Variants in RAF1 observed in about 807,000 individuals in gnomAD.
The protein encoded by RAF1 is RAF proto-oncogene serine/threonine-protein kinase.
RAF1 carries 27 observed loss-of-function variants against 81.1 expected under a neutral mutation model. That is an observed-to-expected ratio of 0.33 (90% CI 0.25 to 0.46). The LOEUF is 0.46. Ranked by LOEUF, RAF1 falls within the 20% of genes least tolerant of loss-of-function variation. The probability of loss-of-function intolerance (pLI) is 1.00; values close to 1 mark genes in which losing one functional copy is unlikely to be tolerated. For missense variants in RAF1, 598 were observed against 826.0 expected (o/e 0.72, Z 3.38); for synonymous variants, 298 against 294.0 (o/e 1.01, Z -0.14).
Position 12,618,744 on chromosome 3 carries a change from A to G in RAF1, c.-23T>C. 5 of 1,610,244 alleles carry G rather than the reference A, an allele frequency of 3.1e-6. No individual in the cohort carries two copies. The highest frequency in any genetic ancestry group is 4.2e-6 in the Non-Finnish European group (5 of 1,176,838). On this transcript the variant is annotated 5_prime_UTR_variant, in exon 2 of 18. Transcript: ENST00000442415. Reference sequence around the variant, plus strand: ...CATTGATGCAGCTTAAACAATTCTTAAACCTGGTAAGAAACACAAATAATT... The same window carrying G: ...CATTGATGCAGCTTAAACAATTCTTGAACCTGGTAAGAAACACAAATAATT...
In RAF1 at chr3:12,584,947, G is replaced by A; in HGVS notation, c.1763C>T (p.Pro588Leu). The change falls in exon 17 of 18, where the codon CCA becomes CTA. Residue 588 changes from proline to leucine, a missense_variant. Around this residue, in one of 5 missense-constraint regions of RAF1, gnomAD observed 147 missense variants for 196.1 expected, o/e 0.75. Transcript: ENST00000442415. ...GTTCTTATATAGCTTACTAAGATCT[G>A]GGGAGGCATATCCTCGGCCCACCAT... 6.2e-7 allele frequency: 1 copy of A among 1,614,120 alleles called. No homozygotes were observed. Among genetic ancestry groups the A allele is most frequent in the Non-Finnish European group, 8.5e-7 (1 of 1,180,034 alleles).
At chr3:12,631,958 C>G (rs770933721) in intron 1 of RAF1, among the ~76,000 whole-genome samples, 6 of 152,196 alleles carry the variant, frequency 3.9e-5, no homozygotes, top group Non-Finnish European at 7.3e-5. Flanking sequence ...TGTACTTTTA[C>G]ACAATTACAC....
At chr3:12,631,739 A>T (rs2059867825) in intron 1 of RAF1, among the ~76,000 whole-genome samples, 1 of 152,214 alleles carries the variant, frequency 6.6e-6, no homozygotes, top group Non-Finnish European at 1.5e-5. Context: ...AGAGGGTGGA[A>T]ATTCAGCTCA....
At position 12,583,915 on chromosome 3, in the gene RAF1, C is replaced by A; in HGVS notation, c.*599G>T. On this transcript the variant is annotated 3_prime_UTR_variant, in exon 18 of 18. Coordinates refer to ENST00000442415, the MANE Select transcript of RAF1 (RefSeq NM_001354689.3). Reference sequence around the variant, plus strand: ...TTGGCCGAGTGCCTTGCCTGGAAAACCATCCCAATGCACTGGACACCTTAG... The same window carrying A: ...TTGGCCGAGTGCCTTGCCTGGAAAAACATCCCAATGCACTGGACACCTTAG... 1 of 235,108 alleles carries A rather than the reference C, an allele frequency of 4.3e-6. No individual in the cohort carries two copies. Among genetic ancestry groups the A allele is most frequent in the Admixed American group, 5.5e-5 (1 of 18,114 alleles). 14.6% of individuals were successfully genotyped at this position (235,108 alleles called of 1,614,324 possible).
chr3:12,588,442 C>T (rs1291713995), intron 13 of RAF1: 4 of 152,210 alleles, frequency 2.6e-5, no homozygotes, highest in Non-Finnish European at 5.9e-5. Flanking sequence ...CAGCCTTCTA[C>T]ACACCCTGGC....
rs2290160 is a variant in RAF1 at position 12,591,584 on chromosome 3, A to G, written c.1253+124T>C. The G allele has an allele frequency of 0.21, 164,812 of 802,796 alleles. 18,445 individuals are homozygous for G. Among genetic ancestry groups the G allele is most frequent in the African/African-American group, 0.3 (17,571 of 59,138 alleles). The allele number at this position is 802,796 out of a possible 1,614,324, so 49.7% of individuals were successfully genotyped here. A position where few individuals can be genotyped will look rare whatever the true frequency, so the allele number is the denominator to read the frequency against. On this transcript the variant is annotated intron_variant, in intron 12 of 17. Coordinates refer to ENST00000442415, the MANE Select transcript of RAF1 (RefSeq NM_001354689.3). ...TCAAGGGAGGAGCATCCAACCACAG[A>G]AACTCCACAGTGAGTCCTAACTGCC...
chr3:12,625,627 C>T (rs938493585), intron 1 of RAF1, among the ~76,000 whole-genome samples: 2 of 152,144 alleles, frequency 1.3e-5, no homozygotes, highest in African/African-American at 4.8e-5. Flanking sequence ...TAAGGCAGGA[C>T]TGGTTTAAAA....
At position 12,622,914 on chromosome 3, in the gene RAF1, G is replaced by C. The variant is rs552429734; in HGVS notation, c.-26-4167C>G. Among the ~76,000 whole-genome samples the C allele has an allele frequency of 2.6e-5, 4 of 152,248 alleles. No individual in the cohort carries two copies. The South Asian group carries it at 8.3e-4, about 32-fold the overall frequency. ...GCAGTTGTTCACACCTGTAATCCCA[G>C]CACTTTGGGAGGCCCAGATGGGAGG... On this transcript the variant is annotated intron_variant, in intron 1 of 17. Transcript: ENST00000442415.
At chr3:12,660,088 A>T (rs2060827551) in intron 1 of RAF1, among the ~76,000 whole-genome samples, 1 of 152,222 alleles carries the variant, frequency 6.6e-6, no homozygotes, top group African/African-American at 2.4e-5. Context: ...AAGAAGTATG[A>T]ACTTGCTTAA....
rs1364292243 is a variant in RAF1, at chr3:12,584,320, G to A, written c.*194C>T. ...GCAGGACACACCAGCACTGCAAATG[G>A]CTTCCTTCTCCCAGGGCCCAAAGGG... On this transcript the variant is annotated 3_prime_UTR_variant, in exon 18 of 18. Transcript: ENST00000442415. 9.3e-5 allele frequency: 62 copies of A among 665,520 alleles called. No individual in the cohort carries two copies. The East Asian group carries it at 1.7e-3, about 19-fold the overall frequency. The allele number at this position is 665,520 out of a possible 1,614,324, so 41.2% of individuals were successfully genotyped here.
chr3:12,657,159 CA>C (rs1028121353), intron 1 of RAF1, among the ~76,000 whole-genome samples: 1 of 152,120 alleles, frequency 6.6e-6, no homozygotes, highest in Non-Finnish European at 1.5e-5. Context: ...TTCCACTAAA[CA>C]TACTATTACT....
chr3:12,619,513 C>T (rs1289521482), intron 1 of RAF1, among the ~76,000 whole-genome samples: 1 of 148,446 alleles, frequency 6.7e-6, no homozygotes, highest in African/African-American at 2.5e-5. Flanking sequence ...TGCAGTGAGT[C>T]GATATCGTGT....
At chr3:12,603,660 A>T in intron 7 of RAF1, 1 of 549,462 alleles carries the variant, frequency 1.8e-6, no homozygotes, top group Non-Finnish European at 3.2e-6. Flanking sequence ...CCAAAAAGCC[A>T]AGAGAAGAAA....
intron 1 of RAF1, among the ~76,000 whole-genome samples, chr3:12,658,256 G>A (rs9809842): frequency 0.84 from 128,642 of 152,254 alleles, 54,809 homozygotes; most frequent in African/African-American, 0.95. Flanking sequence ...TAGGCACAGT[G>A]AGAGATTAAT....
chr3:12,640,103 A>G (rs1559474842), intron 1 of RAF1, among the ~76,000 whole-genome samples: 1 of 152,194 alleles, frequency 6.6e-6, no homozygotes, highest in Admixed American at 6.5e-5. Context: ...AACCTGAGAA[A>G]AACAAGAAAT....
chr3:12,593,964 G>C (rs2058606770), intron 11 of RAF1, among the ~76,000 whole-genome samples: 1 of 152,012 alleles, frequency 6.6e-6, no homozygotes, highest in Non-Finnish European at 1.5e-5. Flanking sequence ...GAAGGAAATG[G>C]GCTATAAACC....
In RAF1 at chr3:12,600,352, C is replaced by A. The variant is rs374772888; in HGVS notation, c.922+36G>T. Reference sequence around the variant, plus strand: ...AGATACACCGCATAAAGAAAAAAAGCCCATTATTGTTGGCTAAATGACTAT... The same window carrying A: ...AGATACACCGCATAAAGAAAAAAAGACCATTATTGTTGGCTAAATGACTAT... On this transcript the variant is annotated intron_variant, in intron 9 of 17. Transcript: ENST00000442415. The A allele has an allele frequency of 1.2e-5, 20 of 1,613,876 alleles. No individual in the cohort carries two copies. The East Asian group carries it at 4.0e-4, about 32-fold the overall frequency.
chr3:12,592,384 A>G lies in RAF1; in HGVS notation c.1169-592T>C, dbSNP rs2058543678. ...AGTAAAAATTCAGAGATATATATTG[A>G]AATTAAGCTTCTCTGCCTTCAATAC... On this transcript the variant is annotated intron_variant, in intron 11 of 17. Coordinates refer to ENST00000442415, the MANE Select transcript of RAF1 (RefSeq NM_001354689.3). 2.0e-5 allele frequency among the ~76,000 whole-genome samples: 3 copies of G among 152,214 alleles called. No homozygotes were observed. The South Asian group carries it at 6.2e-4, about 32-fold the overall frequency.
intron 3 of RAF1, 148 bp downstream of exon 3, chr3:12,611,802 T>C (rs1479009302): frequency 4.4e-6 from 3 of 688,138 alleles, no homozygotes; most frequent in Non-Finnish European, 7.7e-6. Flanking sequence ...TCTTAATACC[T>C]ATTTTTCTGA....
Sources: allele counts gnomAD v4.1 joint callset (sites outside exome capture counted in the v4.1 genomes callset), GRCh38; gene constraint gnomAD v4.1.1; regional missense constraint gnomAD v4.1.1; transcripts MANE v1.5; gene names NCBI Gene and HGNC (gene_info 2026-07-23, HGNC 2026-07-21).